The following MAPRE2 variants were observed in gnomAD, a reference collection of about 807,000 sequenced individuals.
MAPRE2 encodes microtubule-associated protein RP/EB family member 2.
In MAPRE2, 13 loss-of-function variants were observed where a neutral mutation model predicts 43.2. That is an observed-to-expected ratio of 0.30 (90% CI 0.20 to 0.48). The LOEUF (loss-of-function observed/expected upper bound fraction) is 0.48, where lower values mean the gene tolerates loss of function less well. Ranked by LOEUF, MAPRE2 falls within the 20% of genes least tolerant of loss-of-function variation. The pLI, the probability that MAPRE2 is intolerant of heterozygous loss-of-function variation, is 0.99. For synonymous variants in MAPRE2, 135 were observed against 148.8 expected (o/e 0.91, Z 0.68); for missense variants, 161 against 400.2 (o/e 0.40, Z 5.10).
At chr18:35,063,999 TTA>T (rs1491255957) in intron 1 of MAPRE2, among the ~76,000 whole-genome samples, 3,059 of 60,620 alleles carry the variant, frequency 0.05, 398 homozygotes, top group African/African-American at 0.15. Context: ...CCCTGTCTCT[TTA>T]AAAAAAAAAA....
chr18:35,012,847 A>G (rs932197219), intron 2 of MAPRE2, among the ~76,000 whole-genome samples: 3 of 152,182 alleles, frequency 2.0e-5, no homozygotes, highest in Non-Finnish European at 4.4e-5. Context: ...AAGAATGTTA[A>G]TATATGTAAT....
rs1905367760 is a variant in MAPRE2 at position 35,041,529 on chromosome 18, G to A, written c.-11G>A. On this transcript the variant is annotated 5_prime_UTR_variant, in exon 1 of 7. Coordinates refer to ENST00000300249, the MANE Select transcript of MAPRE2 (RefSeq NM_014268.4). ...CCACAGCGGTTTGTTCCCCTTCTCGGGAGTGCGCCAATGCCTGGGCCGACC... is the reference window on the plus strand; with the variant it reads ...CCACAGCGGTTTGTTCCCCTTCTCGAGAGTGCGCCAATGCCTGGGCCGACC... The A allele has an allele frequency of 6.2e-7, 1 of 1,614,230 alleles. No individual in the cohort carries two copies. The highest frequency in any genetic ancestry group is 1.1e-5 in the South Asian group (1 of 91,086).
intron 1 of MAPRE2, among the ~76,000 whole-genome samples, chr18:35,044,445 G>A (rs1339506229): frequency 6.6e-6 from 1 of 152,144 alleles, no homozygotes; most frequent in African/African-American, 2.4e-5. Flanking sequence ...GGTCAGGCTG[G>A]TCTGTAACTC....
At chr18:34,987,182 G>T (rs1568962813) in intron 1 of MAPRE2, among the ~76,000 whole-genome samples, 1 of 152,116 alleles carries the variant, frequency 6.6e-6, no homozygotes, top group Admixed American at 6.5e-5. Flanking sequence ...TTTTTTAATA[G>T]AATAAATACT....
chr18:35,094,126 G>A (rs1384022221), intron 2 of MAPRE2, among the ~76,000 whole-genome samples: 1 of 152,136 alleles, frequency 6.6e-6, no homozygotes, highest in Non-Finnish European at 1.5e-5. Flanking sequence ...TCACCACAAA[G>A]AAATGATAAA....
intron 1 of MAPRE2, among the ~76,000 whole-genome samples, chr18:34,989,832 A>G (rs1699246034): frequency 6.6e-6 from 1 of 152,168 alleles, no homozygotes; most frequent in Middle Eastern, 3.4e-3. Context: ...CAGAATCTGC[A>G]CTTTAGGAGG....
At chr18:35,010,906 T>A (rs998035508) in intron 2 of MAPRE2, among the ~76,000 whole-genome samples, 2 of 152,200 alleles carry the variant, frequency 1.3e-5, no homozygotes, top group Admixed American at 6.5e-5. Context: ...TTGCTGAATA[T>A]AGCTGGTGGG....
Position 35,140,439 on chromosome 18 carries a change from T to C in MAPRE2, c.*70T>C, listed in dbSNP as rs1910583860. 2 of 1,429,710 alleles carry C rather than the reference T, an allele frequency of 1.4e-6. No homozygotes were observed. The highest frequency in any genetic ancestry group is 9.6e-7 in the Non-Finnish European group (1 of 1,040,124). The allele number at this position is 1,429,710 out of a possible 1,614,324, so 88.6% of individuals were successfully genotyped here. ...TTCTTCTGGAGAATTGGAACATGTGTGGCCCCAAGCTCAACAGAAACCAGT... is the reference window on the plus strand; with the variant it reads ...TTCTTCTGGAGAATTGGAACATGTGCGGCCCCAAGCTCAACAGAAACCAGT... On this transcript the variant is annotated 3_prime_UTR_variant, in exon 7 of 7. Coordinates refer to ENST00000300249, the MANE Select transcript of MAPRE2 (RefSeq NM_014268.4).
At chr18:35,039,420 T>C (rs1485971588), upstream of MAPRE2, among the ~76,000 whole-genome samples, 1 of 152,236 alleles carries the variant, frequency 6.6e-6, no homozygotes, top group African/African-American at 2.4e-5. Flanking sequence ...TATTCATCTG[T>C]GTACCTTGTA....
chr18:35,115,916 G>C (rs1022426246), intron 4 of MAPRE2, among the ~76,000 whole-genome samples: 1 of 152,082 alleles, frequency 6.6e-6, no homozygotes, highest in Admixed American at 6.5e-5. Flanking sequence ...TGCTCTTTTT[G>C]TGAAAGCTTT....
intron 4 of MAPRE2, among the ~76,000 whole-genome samples, chr18:35,108,627 G>GC (rs1381010510): frequency 6.6e-6 from 1 of 152,036 alleles, no homozygotes; most frequent in Non-Finnish European, 1.5e-5. Context: ...AGCCTCGCCA[G>GC]CATCTATTGT....
At chr18:35,002,409 A>G (rs2097029805) in intron 1 of MAPRE2, among the ~76,000 whole-genome samples, 1 of 152,088 alleles carries the variant, frequency 6.6e-6, no homozygotes, top group Non-Finnish European at 1.5e-5. Flanking sequence ...ACAAATTTTC[A>G]TTTCTCTGGG....
At chr18:35,044,389 C>T (rs1905516241) in intron 1 of MAPRE2, among the ~76,000 whole-genome samples, 1 of 152,190 alleles carries the variant, frequency 6.6e-6, no homozygotes, top group Non-Finnish European at 1.5e-5. Flanking sequence ...CGCCACCACG[C>T]CCAGCTAATT....
chr18:35,131,987 C>T (rs755443161), intron 5 of MAPRE2, 45 bp from the exon 6 acceptor site: 4 of 1,593,864 alleles, frequency 2.5e-6, no homozygotes, highest in South Asian at 1.1e-5. Flanking sequence ...ATGTCTTATA[C>T]TATATTTTGG....
intron 2 of MAPRE2, among the ~76,000 whole-genome samples, chr18:35,076,392 A>G (rs117232705): frequency 1.3e-5 from 2 of 152,326 alleles, no homozygotes; most frequent in Non-Finnish European, 2.9e-5. Context: ...GGACATAGGG[A>G]GTCAGTAGAG....
chr18:35,059,369 A>G (rs944559122), intron 1 of MAPRE2, among the ~76,000 whole-genome samples: 2 of 151,762 alleles, frequency 1.3e-5, no homozygotes, highest in Admixed American at 6.6e-5. Flanking sequence ...AATTCACTCA[A>G]CCCTAGTCTG....
In MAPRE2 at chr18:35,059,801, G is replaced by A. The variant is rs188197831; in HGVS notation, c.123-10394G>A. 2.6e-5 allele frequency among the ~76,000 whole-genome samples: 4 copies of A among 152,280 alleles called. No individual in the cohort carries two copies. In the East Asian group the frequency reaches 7.7e-4, roughly 29 times the overall value. On this transcript the variant is annotated intron_variant, in intron 1 of 6. Transcript: ENST00000300249. ...ACAAGCTGCTCTTCCGTGGCATGAGGTCTTGAGCCCCAGTTATCCCTAAGG... is the reference window on the plus strand; with the variant it reads ...ACAAGCTGCTCTTCCGTGGCATGAGATCTTGAGCCCCAGTTATCCCTAAGG...
chr18:34,997,633 T>G (rs1349867671), intron 1 of MAPRE2, among the ~76,000 whole-genome samples: 1 of 152,096 alleles, frequency 6.6e-6, no homozygotes, highest in African/African-American at 2.4e-5. Flanking sequence ...CTGGCCAACA[T>G]GGTGAAACCC....
At position 35,070,073 on chromosome 18, in the gene MAPRE2, C is replaced by T. The variant is rs1313895824; in HGVS notation, c.123-122C>T. The T allele has an allele frequency of 6.2e-6, 4 of 648,348 alleles. No homozygotes were observed. The Admixed American group carries it at 9.6e-5, about 15-fold the overall frequency. 40.2% of individuals were successfully genotyped at this position (648,348 alleles called of 1,614,324 possible). ...TAAAATAGAAAAAGATGCTAAAGGG[C>T]TTAGCCAGAGCAGGACTTTTACATG... On this transcript the variant is annotated intron_variant, in intron 1 of 6. Coordinates refer to ENST00000300249, the MANE Select transcript of MAPRE2 (RefSeq NM_014268.4).
Sources: gnomAD v4.1 joint callset for allele counts (sites outside exome capture counted in the v4.1 genomes callset) on GRCh38, gnomAD v4.1.1 for gene constraint, MANE v1.5 for transcripts, NCBI Gene and HGNC (gene_info 2026-07-23, HGNC 2026-07-21) for gene names.